Variants in DCAF5 observed in about 807,000 individuals in gnomAD.
DCAF5 encodes the protein DDB1 and CUL4 associated factor 5, also known as DDB1- and CUL4-associated factor 5.
Under a neutral mutation model 80.7 loss-of-function variants are expected in DCAF5, and 9 were observed. The observed-to-expected ratio is 0.11, with a 90% CI of 0.07 to 0.19. The LOEUF (loss-of-function observed/expected upper bound fraction) is 0.19. Among genes scored for constraint, DCAF5 ranks in the 10% least tolerant of loss-of-function variants. DCAF5 has a pLI of 1.00. For synonymous variants in DCAF5, 433 were observed against 461.9 expected (o/e 0.94, Z 0.80); for missense variants, 842 against 1,205.7 (o/e 0.70, Z 4.47).
chr14:69,106,987 A>G (rs542057275), intron 5 of DCAF5, among the ~76,000 whole-genome samples: 6 of 152,324 alleles, frequency 3.9e-5, no homozygotes, highest in Non-Finnish European at 5.9e-5. Context: ...AGCTGCAGTG[A>G]GCCGAGATTG....
chr14:69,084,364 T>C, intron 6 of DCAF5: 1 of 920,646 alleles, frequency 1.1e-6, no homozygotes, highest in Non-Finnish European at 1.8e-6. Flanking sequence ...ATCTGCAGTG[T>C]CTGGTTATCG....
chr14:69,150,494 T>C (rs192266127), intron 1 of DCAF5, among the ~76,000 whole-genome samples: 1 of 152,284 alleles, frequency 6.6e-6, no homozygotes, highest in African/African-American at 2.4e-5. Context: ...AGGATAAAAG[T>C]AGTAATAACT....
Position 69,118,167 on chromosome 14 carries a change from A to G in DCAF5, c.507T>C (p.Ile169=), listed in dbSNP as rs373143665. 1.2e-5 allele frequency: 20 copies of G among 1,613,880 alleles called. No individual in the cohort carries two copies. The highest frequency in any genetic ancestry group is 1.5e-5 in the Non-Finnish European group (18 of 1,179,908). ...ASSSDDGRVL[I]WDIRESPHGE... is the part of the protein sequence containing the mutation. The stretch of plus-strand genomic sequence containing the variant: ...CATGGGGGGATTCCCGAATGTCCCA[A>G]ATGAGAACCCGGCCATCATCTGAGG... The change falls in exon 4 of 9, where the codon ATT becomes ATC. Residue 169 remains isoleucine, a synonymous_variant. Transcript: ENST00000341516. The surrounding 1 kb of genome is among the most constrained non-coding windows in gnomAD (Gnocchi z 4.0).
At chr14:69,098,505 T>C (rs1194168997) in intron 5 of DCAF5, among the ~76,000 whole-genome samples, 2 of 152,174 alleles carry the variant, frequency 1.3e-5, no homozygotes, top group African/African-American at 4.8e-5. Context: ...GTGTATCCCA[T>C]GCTTAAACGG....
At chr14:69,082,892 T>C (rs76942805) in intron 6 of DCAF5, among the ~76,000 whole-genome samples, 2,347 of 152,296 alleles carry the variant, frequency 0.015, 47 homozygotes, top group East Asian at 0.065. Flanking sequence ...TCCCCTTCAT[T>C]AACATCTACC....
At chr14:69,105,944 T>TATATATATATATATAAA (rs35270301) in intron 5 of DCAF5, among the ~76,000 whole-genome samples, 2 of 85,174 alleles carry the variant, frequency 2.3e-5, no homozygotes, top group Non-Finnish European at 6.1e-5. Context: ...TATATATATA[T>TATATATATATATATAAA]ATCTCCTATT....
At chr14:69,132,380 A>G (rs2041067786) in intron 1 of DCAF5, among the ~76,000 whole-genome samples, 1 of 152,188 alleles carries the variant, frequency 6.6e-6, no homozygotes, top group Non-Finnish European at 1.5e-5. Flanking sequence ...CCTTCAAATA[A>G]TAGCCTAAAA....
chr14:69,107,466 G>T (rs1239031352), intron 5 of DCAF5, among the ~76,000 whole-genome samples: 1 of 152,186 alleles, frequency 6.6e-6, no homozygotes, highest in Admixed American at 6.5e-5. Context: ...TAGGTATGGG[G>T]TCCAGGAAGG....
intron 1 of DCAF5, among the ~76,000 whole-genome samples, chr14:69,128,195 T>TC (rs199534752): frequency 4.0e-4 from 59 of 146,140 alleles, no homozygotes; most frequent in Non-Finnish European, 5.6e-4. Context: ...TTCTTCTTCT[T>TC]TTTTTTTTTT....
chr14:69,152,744 A>T lies in DCAF5; in HGVS notation c.214+21T>A. ...TGGGAGGGTGCGGGGAGGCGCGGGG[A>T]GGGGAAGGGGGTTGATTTACCTGAG... On this transcript the variant is annotated intron_variant, in intron 1 of 8. Coordinates refer to ENST00000341516, the MANE Select transcript of DCAF5 (RefSeq NM_003861.3). This position sits in a 1 kb window ranked among gnomAD's most constrained non-coding sequence, Gnocchi z 4.1. 6.3e-7 allele frequency: 1 copy of T among 1,586,278 alleles called. No individual in the cohort carries two copies. The highest frequency in any genetic ancestry group is 8.6e-7 in the Non-Finnish European group (1 of 1,164,446).
chr14:69,137,642 T>C (rs2041235839), intron 1 of DCAF5, among the ~76,000 whole-genome samples: 1 of 152,158 alleles, frequency 6.6e-6, no homozygotes, highest in African/African-American at 2.4e-5. Flanking sequence ...AACAGAGATG[T>C]CAACCCTGAG....
Position 69,055,414 on chromosome 14 carries a change from G to T in DCAF5, c.1272C>A (p.Arg424=), listed in dbSNP as rs1190175877. 1 of 1,614,136 alleles carries T rather than the reference G, an allele frequency of 6.2e-7. No homozygotes were observed. The highest frequency in any genetic ancestry group is 8.5e-7 in the Non-Finnish European group (1 of 1,180,030). Residue 424 remains arginine, a synonymous_variant, in exon 9 of 9, where the codon CGC becomes CGA. Transcript: ENST00000341516. The surrounding 1 kb of genome is among the most constrained non-coding windows in gnomAD (Gnocchi z 5.6). ...CAGAGCTCCAGCCCTCGATCTCTCGGCGTACCAGTGAGTCAAAGAAGGCCA... is the reference window on the plus strand; with the variant it reads ...CAGAGCTCCAGCCCTCGATCTCTCGTCGTACCAGTGAGTCAAAGAAGGCCA... ...RMMAFFDSLV[R]REIEGWSSDS...
intron 1 of DCAF5, among the ~76,000 whole-genome samples, chr14:69,123,935 T>A (rs57084924): frequency 2.6e-5 from 4 of 152,040 alleles, no homozygotes; most frequent in African/African-American, 9.7e-5. Context: ...CCTGACCTCA[T>A]GATCCACCCA....
At chr14:69,081,560 C>T (rs2039103545) in intron 6 of DCAF5, among the ~76,000 whole-genome samples, 1 of 152,096 alleles carries the variant, frequency 6.6e-6, no homozygotes, top group South Asian at 2.1e-4. Context: ...TTCATCCAAT[C>T]CACTGTCAGT....
In DCAF5 at chr14:69,054,925, C is replaced by T. The variant is rs748486346; in HGVS notation, c.1761G>A (p.Met587Ile). Residue 587 changes from methionine to isoleucine, a missense_variant, in exon 9 of 9, where the codon ATG (methionine) becomes ATA (isoleucine). By Grantham distance (10) the Met-to-Ile change is conservative. This residue lies in a region of DCAF5 where 607 missense variants were observed against 656.6 expected (regional missense o/e 0.92). Transcript: ENST00000341516. ...RRASTWQRNA[M>I]RRRQKTTRED... is the part of the protein sequence containing the mutation. ...CTCGGGTTGTCTTCTGTCGGCGCCG[C>T]ATGGCATTCCGCTGCCAGGTAGAGG... 7 of 1,614,218 alleles carry T rather than the reference C, an allele frequency of 4.3e-6. No individual in the cohort carries two copies. In the Admixed American group the frequency reaches 1.2e-4, roughly 27 times the overall value.
Position 69,118,423 on chromosome 14 carries a change from G to A in DCAF5, c.396-145C>T, listed in dbSNP as rs2040605799. The A allele has an allele frequency of 1.3e-6, 1 of 752,694 alleles. No individual in the cohort carries two copies. The highest frequency in any genetic ancestry group is 2.0e-6 in the Non-Finnish European group (1 of 507,354). The allele number at this position is 752,694 out of a possible 1,614,324, so 46.6% of individuals were successfully genotyped here. On this transcript the variant is annotated intron_variant, in intron 3 of 8. Coordinates refer to ENST00000341516, the MANE Select transcript of DCAF5 (RefSeq NM_003861.3). This position sits in a 1 kb window ranked among gnomAD's most constrained non-coding sequence, Gnocchi z 4.0. ...AAACCCAAAAAATATTATATTTCCT[G>A]AAAGGTAGGTAGTCAACTTTCAGGT... is the stretch of plus-strand genomic sequence containing the variant.
intron 6 of DCAF5, among the ~76,000 whole-genome samples, chr14:69,078,847 TA>T (rs2139916192): frequency 6.6e-6 from 1 of 152,304 alleles, no homozygotes; most frequent in African/African-American, 2.4e-5. Flanking sequence ...CACAACAATG[TA>T]AATGTACATA....
chr14:69,148,417 C>A (rs758659158), intron 1 of DCAF5, among the ~76,000 whole-genome samples: 4 of 152,100 alleles, frequency 2.6e-5, no homozygotes, highest in Non-Finnish European at 5.9e-5. Flanking sequence ...TGTTAACGGG[C>A]TGGGTGGGGT....
intron 5 of DCAF5, among the ~76,000 whole-genome samples, chr14:69,110,034 G>A (rs543252812): frequency 4.6e-5 from 7 of 152,232 alleles, no homozygotes; most frequent in Admixed American, 2.6e-4. Context: ...GACACTCATT[G>A]TGGTTTTAAT....
Sources: gnomAD v4.1 joint callset for allele counts (sites outside exome capture counted in the v4.1 genomes callset) on GRCh38, gnomAD v4.1.1 for gene constraint, gnomAD v4.1.1 regional missense constraint, Gnocchi (gnomAD v3.1) non-coding constraint, MANE v1.5 for transcripts, NCBI Gene and HGNC (gene_info 2026-07-23, HGNC 2026-07-21) for gene names.